IL13RA1: variants seen among roughly 807,000 people sequenced by gnomAD.
The protein encoded by IL13RA1 is interleukin-13 receptor subunit alpha-1.
In IL13RA1, 14 loss-of-function variants were observed where a neutral mutation model predicts 33.8. That is an observed-to-expected ratio of 0.41 (90% CI 0.27 to 0.65). IL13RA1 has a LOEUF of 0.65. Among genes scored for constraint, IL13RA1 ranks in the 30% least tolerant of loss-of-function variants. IL13RA1 has a pLI of 0.28. For missense variants in IL13RA1, 313 were observed against 327.0 expected, an observed-to-expected ratio of 0.96 and a Z score of 0.33; for synonymous variants, 116 against 115.7, an observed-to-expected ratio of 1.00 and a Z score of -0.02.
chrX:118,765,504 G>A (rs2017638093), intron 6 of IL13RA1, among the ~76,000 whole-genome samples: 1 of 111,565 alleles, frequency 9.0e-6, no homozygotes, highest in Admixed American at 9.5e-5. Flanking sequence ...TAGATGGCAC[G>A]TTCTCACTAC....
At chrX:118,779,397 T>C (rs2017818249) in intron 10 of IL13RA1, among the ~76,000 whole-genome samples, 1 of 111,961 alleles carries the variant, frequency 8.9e-6, no homozygotes, top group Non-Finnish European at 1.9e-5. Context: ...TGTTAGGTTT[T>C]CAAAGCATTT....
downstream of IL13RA1, among the ~76,000 whole-genome samples, chrX:118,797,991 AAT>A (rs1209233387): frequency 8.9e-6 from 1 of 111,999 alleles, no homozygotes; most frequent in Non-Finnish European, 1.9e-5. Flanking sequence ...AGTGTGATAT[AAT>A]ATGTTTGTGT....
At chrX:118,800,916 A>G in the IL13RA1 span, among the ~76,000 whole-genome samples, 1 of 111,589 alleles carries the variant, frequency 9.0e-6, no homozygotes, top group South Asian at 3.8e-4. Flanking sequence ...CCTTCCGAGT[A>G]GCTGGGACTA....
At chrX:118,772,682 C>T (rs1275748839) in intron 8 of IL13RA1, among the ~76,000 whole-genome samples, 1 of 112,339 alleles carries the variant, frequency 8.9e-6, no homozygotes, top group East Asian at 2.8e-4. Flanking sequence ...TTCTTCAGTA[C>T]CTGCTTTCTA....
chrX:118,758,195 C>T lies in IL13RA1; in HGVS notation c.629C>T (p.Ala210Val). The T allele has an allele frequency of 8.8e-7, 1 of 1,134,386 alleles. No homozygotes were observed. The highest frequency in any genetic ancestry group is 1.2e-6 in the Non-Finnish European group (1 of 833,130). 93.5% of individuals were successfully genotyped at this position (1,134,386 alleles called of 1,213,427 possible). Residue 210 changes from alanine (A) to valine (V), a missense_variant, in exon 5 of 11, where the codon GCA (alanine) becomes GTA (valine). Physicochemically the swap from Ala to Val is moderately conservative, Grantham distance 64. Transcript: ENST00000371666. ...HSVQIMVKDN[A>V]GKIKPSFNIV... ...GTCCAAATAATGGTCAAGGATAATG[C>T]AGGAAAAATTAAACCATCCTTCAAT...
At chrX:118,790,627 C>T (rs2017965208) in intron 10 of IL13RA1, among the ~76,000 whole-genome samples, 1 of 111,231 alleles carries the variant, frequency 9.0e-6, no homozygotes, top group Non-Finnish European at 1.9e-5. Flanking sequence ...AGTTTCTCTG[C>T]GTTCTTATGA....
intron 10 of IL13RA1, among the ~76,000 whole-genome samples, chrX:118,788,253 A>G (rs970008657): frequency 6.3e-5 from 7 of 111,606 alleles, no homozygotes; most frequent in African/African-American, 2.3e-4. Context: ...GTGTTTTTTT[A>G]TGGTGATATT....
At chrX:118,736,402 A>G (rs1323238476) in intron 1 of IL13RA1, among the ~76,000 whole-genome samples, 1 of 110,151 alleles carries the variant, frequency 9.1e-6, no homozygotes, top group African/African-American at 3.3e-5. Flanking sequence ...TTTCTCTGGA[A>G]ACCAGATTCC....
chrX:118,801,307 T>C, the IL13RA1 span, among the ~76,000 whole-genome samples: 10 of 112,231 alleles, frequency 8.9e-5, no homozygotes, highest in African/African-American at 2.9e-4. Context: ...TTGGCCTCTT[T>C]TCTCTTGGTG....
intron 10 of IL13RA1, among the ~76,000 whole-genome samples, chrX:118,784,944 AATT>A (rs1360018854): frequency 9.0e-6 from 1 of 110,998 alleles, no homozygotes; most frequent in Admixed American, 9.6e-5. Flanking sequence ...AAAGTCCAAT[AATT>A]TTACCAGAAT....
chrX:118,764,825 T>C (rs1230119168), intron 6 of IL13RA1, among the ~76,000 whole-genome samples: 1 of 112,042 alleles, frequency 8.9e-6, no homozygotes, highest in Non-Finnish European at 1.9e-5. Flanking sequence ...AAGTTTTATA[T>C]CTTATACTCT....
At chrX:118,770,582 G>A (rs749670363) in intron 8 of IL13RA1, 13 of 488,491 alleles carry the variant, frequency 2.7e-5, no homozygotes, top group South Asian at 2.6e-4. Context: ...AAGCTGTTCC[G>A]CAAGCTGTAC....
intron 10 of IL13RA1, among the ~76,000 whole-genome samples, chrX:118,790,652 C>T (rs981298319): frequency 4.5e-5 from 5 of 111,305 alleles, no homozygotes; most frequent in Admixed American, 9.6e-5. Context: ...TTGGAATTGT[C>T]GGTATTTTTA....
At chrX:118,755,657 A>C (rs2017522047) in intron 4 of IL13RA1, among the ~76,000 whole-genome samples, 1 of 112,397 alleles carries the variant, frequency 8.9e-6, no homozygotes, top group Non-Finnish European at 1.9e-5. Context: ...CATATGCAGA[A>C]TACTCAGGGT....
At chrX:118,740,945 C>A in intron 1 of IL13RA1, 72 bp from the exon 2 acceptor site, 1 of 700,945 alleles carries the variant, frequency 1.4e-6, no homozygotes, top group Non-Finnish European at 2.3e-6. Flanking sequence ...TCCTCTAGGA[C>A]TTGGGAGAAT....
intron 1 of IL13RA1, among the ~76,000 whole-genome samples, chrX:118,731,273 A>C (rs777989276): frequency 1.8e-5 from 2 of 111,842 alleles, no homozygotes; most frequent in Admixed American, 1.9e-4. Context: ...ATATCAATTC[A>C]ACAGAAAACC....
chrX:118,766,867 T>C lies in IL13RA1; in HGVS notation c.900T>C (p.Pro300=). 9.4e-7 allele frequency: 1 copy of C among 1,066,038 alleles called. No homozygotes were observed. The highest frequency in any genetic ancestry group is 1.3e-6 in the Non-Finnish European group (1 of 769,936). The allele number at this position is 1,066,038 out of a possible 1,213,427, so 87.9% of individuals were successfully genotyped here. ...NVENTSCFMV[P]GVLPDTLNTV... ...AGAATACATCTTGTTTCATGGTCCC[T>C]GGTGTTCTTCCTGATACTTTGAACA... Residue 300 remains proline (P), a synonymous_variant, in exon 8 of 11, where the codon CCT becomes CCC. Transcript: ENST00000371666.
chrX:118,731,964 C>T (rs1378642088), intron 1 of IL13RA1, among the ~76,000 whole-genome samples: 1 of 112,008 alleles, frequency 8.9e-6, no homozygotes, highest in Non-Finnish European at 1.9e-5. Flanking sequence ...GTTGTATACA[C>T]ACACAGTTCA....
intron 10 of IL13RA1, among the ~76,000 whole-genome samples, chrX:118,776,987 ATG>A (rs2017792784): frequency 3.9e-5 from 1 of 25,650 alleles, no homozygotes; most frequent in African/African-American, 1.7e-4. Context: ...ATGTGTGTAT[ATG>A]TGTGTGTGTA....
Sources: gnomAD v4.1 joint callset for allele counts (sites outside exome capture counted in the v4.1 genomes callset) on GRCh38, gnomAD v4.1.1 for gene constraint, MANE v1.5 for transcripts, NCBI Gene and HGNC (gene_info 2026-07-23, HGNC 2026-07-21) for gene names.